Variants in VAV3 observed in about 807,000 individuals in gnomAD.
VAV3 encodes vav guanine nucleotide exchange factor 3, also known as guanine nucleotide exchange factor VAV3.
Under a neutral mutation model 131.2 loss-of-function variants are expected in VAV3, and 94 were observed. The ratio of observed to expected loss-of-function variants is 0.72; its 90% CI spans 0.61 to 0.85. The LOEUF (loss-of-function observed/expected upper bound fraction) is 0.85, where lower values mean the gene tolerates loss of function less well. VAV3 is among the 40% of genes least tolerant of loss of function. VAV3 has a pLI of 0.00. For synonymous variants in VAV3, 349 were observed against 342.0 expected (o/e 1.02, Z -0.22); for missense variants, 939 against 1,002.7 (o/e 0.94, Z 0.86).
intron 15 of VAV3, among the ~76,000 whole-genome samples, chr1:107,716,076 A>G (rs890505546): frequency 6.6e-6 from 1 of 152,200 alleles, no homozygotes; most frequent in African/African-American, 2.4e-5. Flanking sequence ...TATGTACAAA[A>G]AAGGTGTTTA....
chr1:107,751,090 T>C lies in VAV3; in HGVS notation c.1259+27A>G, dbSNP rs766488443. ...AGTTTTCTGACACTAATTACTTATTTTGAAAATAGTATTCTTCTTTTCTTA... is the reference window on the plus strand; with the variant it reads ...AGTTTTCTGACACTAATTACTTATTCTGAAAATAGTATTCTTCTTTTCTTA... On this transcript the variant is annotated intron_variant, in intron 13 of 26. Transcript: ENST00000370056. 3 of 1,593,312 alleles carry C rather than the reference T, an allele frequency of 1.9e-6. No homozygotes were observed. In the Admixed American group the frequency reaches 5.3e-5, roughly 28 times the overall value.
intron 2 of VAV3, among the ~76,000 whole-genome samples, chr1:107,829,407 T>C (rs1177914125): frequency 6.6e-6 from 1 of 152,204 alleles, no homozygotes; most frequent in Non-Finnish European, 1.5e-5. Flanking sequence ...TACCATGCTC[T>C]ACATTAAAGT....
intron 22 of VAV3, among the ~76,000 whole-genome samples, chr1:107,607,785 T>C (rs1286895978): frequency 6.6e-6 from 1 of 152,228 alleles, no homozygotes; most frequent in Non-Finnish European, 1.5e-5. Flanking sequence ...TTTCATTCTG[T>C]ATGCAAGAGA....
intron 1 of VAV3, among the ~76,000 whole-genome samples, chr1:107,934,887 T>C (rs963293364): frequency 8.5e-5 from 13 of 152,234 alleles, no homozygotes; most frequent in South Asian, 8.3e-4. Context: ...AGAGGAGACG[T>C]GCTACAAGAA....
chr1:107,917,800 G>A (rs1672693298), intron 1 of VAV3, among the ~76,000 whole-genome samples: 1 of 151,720 alleles, frequency 6.6e-6, no homozygotes, highest in African/African-American at 2.4e-5. Context: ...ATTACATACT[G>A]CATGGGCTTC....
In VAV3 at chr1:107,574,088, T is replaced by C. The variant is rs1649445118; in HGVS notation, c.2461A>G (p.Met821Val). The change falls in exon 26 of 27, where the codon ATG becomes GTG. Residue 821 changes from methionine to valine, a missense_variant. Physicochemically the swap from Met to Val is conservative, Grantham distance 21 (BLOSUM62 1). Transcript: ENST00000370056. ...CCTCTCCACCAGCCATTTGCACTCA[T>C]CTTTGTGTAAATCTTCACCACATCT... is the stretch of plus-strand genomic sequence containing the variant. ...KGDVVKIYTK[M>V]SANGWWRGEV... The C allele has an allele frequency of 6.2e-7, 1 of 1,614,046 alleles. No homozygotes were observed. Among genetic ancestry groups the C allele is most frequent in the Non-Finnish European group, 8.5e-7 (1 of 1,180,026 alleles).
At position 107,614,310 on chromosome 1, in the gene VAV3, T is replaced by C. The variant is rs144160775; in HGVS notation, c.1980+3257A>G. ...TTTTTGAGGAGATGGATGTAGCAAA[T>C]GCAGGAAAATAAATTTTAAGCCCAG... On this transcript the variant is annotated intron_variant, in intron 21 of 26. Coordinates refer to ENST00000370056, the MANE Select transcript of VAV3 (RefSeq NM_006113.5). Among the ~76,000 whole-genome samples the C allele has an allele frequency of 5.0e-3, 757 of 152,148 alleles. 1 individual carries two copies. The highest frequency in any genetic ancestry group is 0.02 in the Middle Eastern group (6 of 294).
At chr1:107,904,647 A>G (rs1420588426) in intron 1 of VAV3, among the ~76,000 whole-genome samples, 1 of 152,152 alleles carries the variant, frequency 6.6e-6, no homozygotes, top group Admixed American at 6.5e-5. Context: ...ATTCATGCAC[A>G]CCTTTATTCA....
chr1:107,715,292 C>A (rs919663175), intron 15 of VAV3, among the ~76,000 whole-genome samples: 2 of 152,024 alleles, frequency 1.3e-5, no homozygotes, highest in Admixed American at 1.3e-4. Context: ...ATAGTACTTA[C>A]TAAATGATAA....
chr1:107,947,733 C>A (rs1479584422), intron 1 of VAV3, among the ~76,000 whole-genome samples: 1 of 152,138 alleles, frequency 6.6e-6, no homozygotes, highest in East Asian at 1.9e-4. Context: ...GAACTACTGG[C>A]AGAATATTAT....
At chr1:107,659,033 G>A (rs1656804917) in intron 19 of VAV3, among the ~76,000 whole-genome samples, 1 of 152,134 alleles carries the variant, frequency 6.6e-6, no homozygotes, top group Non-Finnish European at 1.5e-5. Context: ...CCATGCCTAT[G>A]TCCTGAATGG....
intron 1 of VAV3, among the ~76,000 whole-genome samples, chr1:107,908,565 T>C (rs185344755): frequency 1.3e-5 from 2 of 152,328 alleles, no homozygotes; most frequent in East Asian, 1.9e-4. Flanking sequence ...AAATGTGTAC[T>C]GCATTTGTAA....
chr1:107,815,920 T>C (rs1184228504), intron 2 of VAV3, among the ~76,000 whole-genome samples: 1 of 152,168 alleles, frequency 6.6e-6, no homozygotes, highest in Admixed American at 6.5e-5. Context: ...AGGATGAAAC[T>C]GTTCTACGTC....
intron 22 of VAV3, among the ~76,000 whole-genome samples, chr1:107,607,243 C>T (rs145958740): frequency 3.9e-5 from 6 of 152,140 alleles, no homozygotes; most frequent in African/African-American, 7.2e-5. Flanking sequence ...CGAGTCAACA[C>T]GCCCAGCTGA....
At chr1:107,850,009 A>G (rs1334624878) in intron 2 of VAV3, among the ~76,000 whole-genome samples, 1 of 152,218 alleles carries the variant, frequency 6.6e-6, no homozygotes, top group African/African-American at 2.4e-5. Context: ...AATTCAGATC[A>G]AAACCATGAG....
At chr1:107,771,837 C>T (rs1021670407) in intron 5 of VAV3, among the ~76,000 whole-genome samples, 2 of 152,186 alleles carry the variant, frequency 1.3e-5, no homozygotes, top group Non-Finnish European at 2.9e-5. Context: ...AGATGATATT[C>T]GGTCACCTAA....
chr1:107,773,038 G>A (rs1441309548), intron 4 of VAV3, among the ~76,000 whole-genome samples, 195 bp from the exon 5 acceptor site: 1 of 152,112 alleles, frequency 6.6e-6, no homozygotes. Context: ...CAATAACGAG[G>A]GCAGTGGCAG....
At chr1:107,778,503 G>C (rs1417302661) in intron 3 of VAV3, among the ~76,000 whole-genome samples, 1 of 152,170 alleles carries the variant, frequency 6.6e-6, no homozygotes, top group Non-Finnish European at 1.5e-5. Flanking sequence ...CCAGCCGACA[G>C]ACCATATACA....
chr1:107,801,691 A>G (rs1303956422), intron 2 of VAV3, among the ~76,000 whole-genome samples: 1 of 152,096 alleles, frequency 6.6e-6, no homozygotes, highest in East Asian at 1.9e-4. Flanking sequence ...GCTGTATATC[A>G]CTTTACTTCT....
Sources: allele counts gnomAD v4.1 joint callset (sites outside exome capture counted in the v4.1 genomes callset), GRCh38; gene constraint gnomAD v4.1.1; transcripts MANE v1.5; gene names NCBI Gene and HGNC (gene_info 2026-07-23, HGNC 2026-07-21).